Variants in SNX18 observed in about 807,000 individuals in gnomAD.
SNX18 encodes the protein sorting nexin 18.
A neutral mutation model predicts 48.7 loss-of-function variants in SNX18; 35 were observed. The ratio of observed to expected loss-of-function variants is 0.72; its 90% CI spans 0.55 to 0.95. The LOEUF (loss-of-function observed/expected upper bound fraction) is 0.95, where lower values mean the gene tolerates loss of function less well. SNX18 is among the 40% of genes least tolerant of loss of function. The pLI is 0.00. For synonymous variants in SNX18, 492 were observed against 384.7 expected, an observed-to-expected ratio of 1.28 and a Z score of -3.26; for missense variants, 824 against 871.0, an observed-to-expected ratio of 0.95 and a Z score of 0.68.
intron 1 of SNX18, among the ~76,000 whole-genome samples, chr5:54,523,874 T>C (rs1174512511): frequency 6.6e-6 from 1 of 152,204 alleles, no homozygotes; most frequent in African/African-American, 2.4e-5. Flanking sequence ...ACGGAGACCC[T>C]TCCCTGTCTG....
chr5:54,634,323 GACCAT>G, the SNX18 span, among the ~76,000 whole-genome samples: 1 of 152,086 alleles, frequency 6.6e-6, no homozygotes, highest in Non-Finnish European at 1.5e-5. Flanking sequence ...ACTTCTGAGG[GACCAT>G]GACACAGAAC....
chr5:54,587,054 G>T, the SNX18 span, among the ~76,000 whole-genome samples: 6 of 151,354 alleles, frequency 4.0e-5, no homozygotes, highest in African/African-American at 1.5e-4. Context: ...AACTCCTGAT[G>T]GCAGAGTTAA....
the SNX18 span, among the ~76,000 whole-genome samples, chr5:54,588,612 C>T: frequency 6.6e-6 from 1 of 152,134 alleles, no homozygotes; most frequent in African/African-American, 2.4e-5. Flanking sequence ...CAGGCGTGAG[C>T]CACCGCACCC....
intron 1 of SNX18, among the ~76,000 whole-genome samples, chr5:54,532,903 T>G (rs1762277706): frequency 6.6e-6 from 1 of 152,228 alleles, no homozygotes; most frequent in Admixed American, 6.5e-5. Context: ...TTAAGGTATT[T>G]ATACGCAAGT....
the SNX18 span, among the ~76,000 whole-genome samples, chr5:54,620,704 A>G: frequency 2.6e-5 from 4 of 152,220 alleles, no homozygotes; most frequent in African/African-American, 9.6e-5. Context: ...ATAACAAAAT[A>G]CCATAGACTG....
chr5:54,645,660 A>C, the SNX18 span: 26 of 152,336 alleles, frequency 1.7e-4, no homozygotes, highest in African/African-American at 5.8e-4. Flanking sequence ...CACGATCTTT[A>C]CTTTCTCTGT....
intron 1 of SNX18, among the ~76,000 whole-genome samples, chr5:54,539,855 G>GT (rs750418306): frequency 9.9e-5 from 15 of 152,108 alleles, no homozygotes; most frequent in Non-Finnish European, 1.9e-4. Flanking sequence ...TTGTTTTCTT[G>GT]TTTTTTGTTT....
chr5:54,518,148 C>A lies in SNX18; in HGVS notation c.196C>A (p.Pro66Thr). Residue 66 changes from proline to threonine, a missense_variant, in exon 1 of 2, where the codon CCG (proline) becomes ACG (threonine). Physicochemically the swap from Pro to Thr is conservative, Grantham distance 38. Around this residue, in one of 3 missense-constraint regions of SNX18, gnomAD observed 377 missense variants for 350.6 expected, o/e 1.08. Coordinates refer to ENST00000381410, the MANE Select transcript of SNX18 (RefSeq NM_001102575.2). ...VQVIRAPEPG[P>T]AGDGGPGAPA... is the part of the protein sequence containing the mutation. ...GGTGATCCGCGCCCCCGAGCCTGGC[C>A]CGGCGGGAGACGGCGGCCCGGGCGC... 7.1e-7 allele frequency: 1 copy of A among 1,403,152 alleles called. No individual in the cohort carries two copies. The allele number at this position is 1,403,152 out of a possible 1,614,324, so 86.9% of individuals were successfully genotyped here.
rs1762507224 is a variant in SNX18 at position 54,543,256 on chromosome 5, C to T, written c.1699C>T (p.Gln567Ter). ...KMEVQKADGIQDRCNTISFAT... is the reference protein window; with the variant it reads ...KMEVQKADGI ...GGAGGTGCAGAAGGCTGACGGCATT[C>T]AGGATCGCTGTAACACTATTTCTTT... The change falls in exon 2 of 2, where the codon CAG becomes TAG. Residue 567 changes from glutamine to a stop codon, truncating the protein, a stop_gained. Coordinates refer to ENST00000381410, the MANE Select transcript of SNX18 (RefSeq NM_001102575.2). LOFTEE classifies it high-confidence loss of function. 6.2e-7 allele frequency: 1 copy of T among 1,614,038 alleles called. No individual in the cohort carries two copies. The highest frequency in any genetic ancestry group is 8.5e-7 in the Non-Finnish European group (1 of 1,180,046).
the SNX18 span, among the ~76,000 whole-genome samples, chr5:54,581,451 T>G: frequency 6.6e-6 from 1 of 151,770 alleles, no homozygotes; most frequent in Non-Finnish European, 1.5e-5. Context: ...AAAATATGAC[T>G]CCCCCGGCAA....
chr5:54,539,413 T>G (rs565047016), intron 1 of SNX18, among the ~76,000 whole-genome samples: 2 of 152,346 alleles, frequency 1.3e-5, no homozygotes, highest in South Asian at 4.1e-4. Context: ...TTATTACTAT[T>G]TCTAGCAGCT....
chr5:54,536,897 T>C (rs1762367947), intron 1 of SNX18, among the ~76,000 whole-genome samples: 1 of 152,200 alleles, frequency 6.6e-6, no homozygotes, highest in South Asian at 2.1e-4. Flanking sequence ...ACCTGTTGTT[T>C]CCTGATTTTC....
Position 54,543,488 on chromosome 5 carries a change from A to G in SNX18, c.*56A>G. 6.4e-7 allele frequency: 1 copy of G among 1,574,362 alleles called. No individual in the cohort carries two copies. The highest frequency in any genetic ancestry group is 8.6e-7 in the Non-Finnish European group (1 of 1,158,778). On this transcript the variant is annotated 3_prime_UTR_variant, in exon 2 of 2. Transcript: ENST00000381410. ...GTTCAAGGATAATTTCTACAGCAGAATAAAAACTGCTGTCAAAGAGCTATT... is the reference window on the plus strand; with the variant it reads ...GTTCAAGGATAATTTCTACAGCAGAGTAAAAACTGCTGTCAAAGAGCTATT...
At chr5:54,537,914 T>C (rs2111581388) in intron 1 of SNX18, among the ~76,000 whole-genome samples, 1 of 152,360 alleles carries the variant, frequency 6.6e-6, no homozygotes, top group South Asian at 2.1e-4. Context: ...GCTCTGCAGC[T>C]GGTTGTATTG....
In SNX18 at chr5:54,519,250, G is replaced by C. The variant is rs747215822; in HGVS notation, c.1298G>C (p.Cys433Ser). 4 of 1,614,092 alleles carry C rather than the reference G, an allele frequency of 2.5e-6. No individual in the cohort carries two copies. In the South Asian group the frequency reaches 4.4e-5, roughly 18 times the overall value. Residue 433 changes from cysteine (C) to serine (S), a missense_variant, in exon 1 of 2, where the codon TGC becomes TCC. Coordinates refer to ENST00000381410, the MANE Select transcript of SNX18 (RefSeq NM_001102575.2). ...GAGAGCAAGATCGACGGCTTCAAGT[G>C]CTTCACCAAGAAGATGGACGACAGC... Reference protein sequence around the residue: ...EVESKIDGFKCFTKKMDDSAL... With the variant: ...EVESKIDGFKSFTKKMDDSAL...
the SNX18 span, among the ~76,000 whole-genome samples, chr5:54,601,647 G>A: frequency 6.6e-6 from 1 of 152,122 alleles, no homozygotes; most frequent in South Asian, 2.1e-4. Flanking sequence ...AGGAAAGTGG[G>A]GGGAGGAGGG....
At chr5:54,572,862 C>T in the SNX18 span, among the ~76,000 whole-genome samples, 229 of 133,306 alleles carry the variant, frequency 1.7e-3, 1 homozygote, top group African/African-American at 5.9e-3. Flanking sequence ...GGTATGATCT[C>T]GGCTCACTGC....
At chr5:54,647,954 G>T in the SNX18 span, among the ~76,000 whole-genome samples, 1 of 151,660 alleles carries the variant, frequency 6.6e-6, no homozygotes, top group African/African-American at 2.4e-5. Flanking sequence ...GAACCCGAAG[G>T]AATGCTGGTG....
the SNX18 span, among the ~76,000 whole-genome samples, chr5:54,643,315 T>A: frequency 6.6e-6 from 1 of 152,222 alleles, no homozygotes; most frequent in Admixed American, 6.5e-5. Flanking sequence ...TTTAGTCACA[T>A]CTTAAAATAA....
Sources: allele counts gnomAD v4.1 joint callset (sites outside exome capture counted in the v4.1 genomes callset), GRCh38; gene constraint gnomAD v4.1.1; regional missense constraint gnomAD v4.1.1; transcripts MANE v1.5; gene names NCBI Gene and HGNC (gene_info 2026-07-23, HGNC 2026-07-21).